The following TMEM132C variants were observed in gnomAD, a reference collection of about 807,000 sequenced individuals.
TMEM132C encodes protein phosphatase 1, regulatory subunit 152.
In TMEM132C, 29 loss-of-function variants were observed where a neutral mutation model predicts 61.4. The ratio of observed to expected loss-of-function variants is 0.47; its 90% CI spans 0.35 to 0.64. The LOEUF is 0.64. Ranked by LOEUF, TMEM132C falls within the 30% of genes least tolerant of loss-of-function variation. TMEM132C has a pLI of 0.00. For synonymous variants in TMEM132C, 656 were observed against 633.1 expected, an observed-to-expected ratio of 1.04 and a Z score of -0.54; for missense variants, 1,408 against 1,476.9, an observed-to-expected ratio of 0.95 and a Z score of 0.76.
chr12:128,531,505 G>T (rs546367726), intron 2 of TMEM132C, among the ~76,000 whole-genome samples: 12 of 152,352 alleles, frequency 7.9e-5, no homozygotes, highest in African/African-American at 2.6e-4. Context: ...TACAGGCAGG[G>T]AAGAGAGCTG....
chr12:128,461,884 T>G (rs974509163), intron 2 of TMEM132C, among the ~76,000 whole-genome samples: 3 of 152,142 alleles, frequency 2.0e-5, no homozygotes, highest in African/African-American at 7.2e-5. Context: ...GACCTGCTCA[T>G]AAAAAGGCTT....
chr12:128,528,516 C>T lies in TMEM132C; in HGVS notation c.975-15441C>T, dbSNP rs566110038. Among the ~76,000 whole-genome samples the T allele has an allele frequency of 2.0e-5, 3 of 152,256 alleles. No homozygotes were observed. In the East Asian group the frequency reaches 5.8e-4, roughly 29 times the overall value. On this transcript the variant is annotated intron_variant, in intron 2 of 8. Coordinates refer to ENST00000435159, the MANE Select transcript of TMEM132C (RefSeq NM_001136103.3). ...ATCACACAGCGGTGTCTCCTGCTCGCCCCACTCACTCTGCTGAGCTCTGCT... is the reference window on the plus strand; with the variant it reads ...ATCACACAGCGGTGTCTCCTGCTCGTCCCACTCACTCTGCTGAGCTCTGCT...
At chr12:128,507,405 T>TC (rs1397376864) in intron 2 of TMEM132C, among the ~76,000 whole-genome samples, 1 of 52,104 alleles carries the variant, frequency 1.9e-5, no homozygotes, top group African/African-American at 5.6e-5. Flanking sequence ...TTTCTTTCTT[T>TC]TTTTTTTTTT....
intron 1 of TMEM132C, among the ~76,000 whole-genome samples, chr12:128,402,206 C>T (rs1177786373): frequency 1.3e-5 from 2 of 152,228 alleles, no homozygotes; most frequent in Non-Finnish European, 2.9e-5. Flanking sequence ...CACAACCCTA[C>T]TGACACTTCA....
At chr12:128,391,658 A>T (rs376187197) in intron 1 of TMEM132C, among the ~76,000 whole-genome samples, 1 of 152,188 alleles carries the variant, frequency 6.6e-6, no homozygotes, top group Non-Finnish European at 1.5e-5. Flanking sequence ...GGAGGTAGGT[A>T]TTGTTAGTAT....
At chr12:128,360,007 C>G (rs1873646994) in intron 1 of TMEM132C, among the ~76,000 whole-genome samples, 2 of 151,994 alleles carry the variant, frequency 1.3e-5, no homozygotes. Context: ...TGTTAAATTG[C>G]AGGTAGAATG....
intron 2 of TMEM132C, among the ~76,000 whole-genome samples, chr12:128,431,074 G>T (rs1869367797): frequency 2.0e-5 from 3 of 152,214 alleles, no homozygotes; most frequent in African/African-American, 7.2e-5. Context: ...GGCCTCTTAT[G>T]CCAGTTACCC....
At chr12:128,301,602 G>A (rs1354160372) in intron 1 of TMEM132C, among the ~76,000 whole-genome samples, 1 of 152,054 alleles carries the variant, frequency 6.6e-6, no homozygotes, top group East Asian at 1.9e-4. Flanking sequence ...AGAAATGATG[G>A]GATGGTAGTA....
intron 4 of TMEM132C, among the ~76,000 whole-genome samples, chr12:128,639,060 GATGATGATGATGGTGAT>G (rs1188795293): frequency 1.1e-5 from 1 of 90,410 alleles, no homozygotes; most frequent in Non-Finnish European, 2.4e-5. Flanking sequence ...TGACAATGGT[GATGATGATGATGGTGAT>G]ATGATGATGA....
At chr12:128,445,618 C>G (rs1869955433) in intron 2 of TMEM132C, among the ~76,000 whole-genome samples, 1 of 152,196 alleles carries the variant, frequency 6.6e-6, no homozygotes, top group Non-Finnish European at 1.5e-5. Context: ...CCCAGTCTCT[C>G]TGCTGAGCAC....
rs908933362 is a variant in TMEM132C at position 128,465,362 on chromosome 12, C to T, written c.974+49742C>T. On this transcript the variant is annotated intron_variant, in intron 2 of 8. Transcript: ENST00000435159. Reference sequence around the variant, plus strand: ...TAAAGACGCCTGCCACCACGCCCAGCTAATTTTTTGTATTTTTAGTAGAGA... The same window carrying T: ...TAAAGACGCCTGCCACCACGCCCAGTTAATTTTTTGTATTTTTAGTAGAGA... 3.3e-5 allele frequency among the ~76,000 whole-genome samples: 5 copies of T among 150,676 alleles called. No individual in the cohort carries two copies. The East Asian group carries it at 9.7e-4, about 29-fold the overall frequency.
chr12:128,544,292 G>A (rs571259341), intron 3 of TMEM132C, among the ~76,000 whole-genome samples, 189 bp downstream of exon 3: 1 of 152,344 alleles, frequency 6.6e-6, no homozygotes, highest in South Asian at 2.1e-4. Flanking sequence ...GCGGGGTGGG[G>A]CGCTCGCTCT....
chr12:128,347,001 T>C (rs893921918), intron 1 of TMEM132C, among the ~76,000 whole-genome samples: 2 of 152,184 alleles, frequency 1.3e-5, no homozygotes. Context: ...TAGTGGTGAT[T>C]TCTGAGATTG....
At chr12:128,296,847 T>G (rs1054570210) in intron 1 of TMEM132C, among the ~76,000 whole-genome samples, 1 of 152,204 alleles carries the variant, frequency 6.6e-6, no homozygotes, top group African/African-American at 2.4e-5. Context: ...ACTATAAGTG[T>G]TTTCTTCTAA....
intron 4 of TMEM132C, among the ~76,000 whole-genome samples, chr12:128,664,984 C>T (rs185792078): frequency 7.0e-6 from 1 of 143,220 alleles, no homozygotes; most frequent in Admixed American, 6.7e-5. Context: ...TACACACAGG[C>T]ACATGCACCC....
chr12:128,384,888 C>A (rs545619814), intron 1 of TMEM132C, among the ~76,000 whole-genome samples: 2 of 152,320 alleles, frequency 1.3e-5, no homozygotes, highest in African/African-American at 4.8e-5. Flanking sequence ...AATAGAGTCC[C>A]TGCAAAGGCC....
intron 1 of TMEM132C, among the ~76,000 whole-genome samples, chr12:128,335,615 C>T (rs1382350575): frequency 2.6e-5 from 4 of 152,170 alleles, no homozygotes; most frequent in African/African-American, 9.7e-5. Flanking sequence ...GGTAGTTATC[C>T]TCATTTTAAA....
At chr12:128,322,608 A>G (rs996725258) in intron 1 of TMEM132C, among the ~76,000 whole-genome samples, 8 of 152,164 alleles carry the variant, frequency 5.3e-5, no homozygotes, top group Non-Finnish European at 1.2e-4. Context: ...CACGCCCGTC[A>G]CTCCTAAGAG....
At position 128,670,609 on chromosome 12, in the gene TMEM132C, TA is replaced by T. The variant is rs960353322; in HGVS notation, c.1449+1050del. ...GTTCTAACAAATAATAGGATTTCTT[TA>T]TTTTTTTAAGGTTGAACAGTCTTCC... is the stretch of plus-strand genomic sequence containing the variant. On this transcript the variant is annotated intron_variant, in intron 5 of 8. Transcript: ENST00000435159. Among the ~76,000 whole-genome samples the T allele has an allele frequency of 2.0e-3, 304 of 152,344 alleles. 1 individual carries two copies. Among genetic ancestry groups the T allele is most frequent in the African/African-American group, 7.0e-3 (291 of 41,572 alleles).
Sources: allele counts gnomAD v4.1 joint callset (sites outside exome capture counted in the v4.1 genomes callset), GRCh38; gene constraint gnomAD v4.1.1; transcripts MANE v1.5; gene names NCBI Gene and HGNC (gene_info 2026-07-23, HGNC 2026-07-21).